ADAMTSL1: variants seen among roughly 807,000 people sequenced by gnomAD.
ADAMTSL1 encodes ADAMTS-like protein 1.
In ADAMTSL1, 126 loss-of-function variants were observed where a neutral mutation model predicts 201.8. The ratio of observed to expected loss-of-function variants is 0.62; its 90% CI spans 0.54 to 0.72. The LOEUF (loss-of-function observed/expected upper bound fraction) is 0.72, where lower values mean the gene tolerates loss of function less well. Among genes scored for constraint, ADAMTSL1 ranks in the 30% least tolerant of loss-of-function variants. ADAMTSL1 has a pLI of 0.00. For missense variants in ADAMTSL1, 2,679 were observed against 2,277.8 expected, an observed-to-expected ratio of 1.18 and a Z score of -3.59; for synonymous variants, 1,121 against 903.4, an observed-to-expected ratio of 1.24 and a Z score of -4.32.
intron 1 of ADAMTSL1, among the ~76,000 whole-genome samples, chr9:17,943,824 A>G (rs557133109): frequency 2.6e-5 from 4 of 152,218 alleles, no homozygotes; most frequent in African/African-American, 9.6e-5. Context: ...TGCAGGCTAT[A>G]CAGAAAGCAT....
intron 2 of ADAMTSL1, among the ~76,000 whole-genome samples, chr9:18,328,331 A>G (rs1443414398): frequency 6.6e-6 from 1 of 152,170 alleles, no homozygotes; most frequent in Non-Finnish European, 1.5e-5. Context: ...CATTATAATC[A>G]GTTATTTTCC....
At chr9:18,549,702 T>C (rs1328019471) in intron 3 of ADAMTSL1, among the ~76,000 whole-genome samples, 1 of 151,932 alleles carries the variant, frequency 6.6e-6, no homozygotes, top group Admixed American at 6.6e-5. Context: ...GAAATGTGGG[T>C]TTAAATGAGC....
At chr9:17,980,503 C>A (rs1427464862) in intron 1 of ADAMTSL1, among the ~76,000 whole-genome samples, 2 of 151,992 alleles carry the variant, frequency 1.3e-5, no homozygotes, top group Non-Finnish European at 2.9e-5. Context: ...TTCTACTTGA[C>A]TTCTTTTCAA....
At chr9:18,650,999 T>C (rs1828209402) in intron 7 of ADAMTSL1, 1 of 152,228 alleles carries the variant, frequency 6.6e-6, no homozygotes, top group Non-Finnish European at 1.5e-5. Context: ...TCCATCTTTT[T>C]GAAACACTTA....
intron 2 of ADAMTSL1, among the ~76,000 whole-genome samples, chr9:18,379,780 G>A (rs1837471215): frequency 6.6e-6 from 1 of 152,144 alleles, no homozygotes; most frequent in Non-Finnish European, 1.5e-5. Context: ...GAACAAAAAA[G>A]AAAAGGCACA....
chr9:18,771,021 C>T (rs1031380225), intron 17 of ADAMTSL1, among the ~76,000 whole-genome samples: 4 of 152,164 alleles, frequency 2.6e-5, no homozygotes, highest in African/African-American at 4.8e-5. Flanking sequence ...ATGGGCTCCT[C>T]GTGGAACAAA....
chr9:18,636,057 G>T, intron 6 of ADAMTSL1, 40 bp downstream of exon 6: 1 of 1,464,378 alleles, frequency 6.8e-7, no homozygotes, highest in African/African-American at 1.5e-5. Context: ...ATTGGGAATT[G>T]TAGTCATTAT....
chr9:17,909,270 T>C lies in ADAMTSL1; in HGVS notation c.87+2348T>C, dbSNP rs1461942895. Among the ~76,000 whole-genome samples the C allele has an allele frequency of 1.7e-3, 244 of 147,850 alleles. 1 individual carries two copies. The highest frequency in any genetic ancestry group is 2.3e-3 in the Non-Finnish European group (151 of 66,232). On this transcript the variant is annotated intron_variant, in intron 1 of 29. Coordinates refer to the ADAMTSL1 transcript ENST00000680146. ...CAAAAATTTTCTCCCATTCTGTAGG[T>C]TGCCTGTTCACTCTGATGGTAGTTT...
chr9:18,773,154 T>C (rs2133731956), intron 17 of ADAMTSL1, among the ~76,000 whole-genome samples: 1 of 152,296 alleles, frequency 6.6e-6, no homozygotes, highest in East Asian at 1.9e-4. Flanking sequence ...AAATGATCTA[T>C]GGGTGTTTTT....
chr9:18,777,242 G>A lies in ADAMTSL1; in HGVS notation c.3013G>A (p.Gly1005Ser), dbSNP rs2133756490. The change falls in exon 19 of 29, where the codon GGC becomes AGC. Residue 1005 changes from glycine to serine, a missense_variant. Coordinates refer to ENST00000380548, the MANE Select transcript of ADAMTSL1 (RefSeq NM_001040272.6). ...ACACCAGAACGGGATCTTCTCCAAC[G>A]GCAGCAAGGCGGAGAAGCGGGGCCT... is the stretch of plus-strand genomic sequence containing the variant. ...HKHQNGIFSN[G>S]SKAEKRGLAA... is the part of the protein sequence containing the mutation. 1 of 1,612,504 alleles carries A rather than the reference G, an allele frequency of 6.2e-7. No individual in the cohort carries two copies. Among genetic ancestry groups the A allele is most frequent in the Non-Finnish European group, 8.5e-7 (1 of 1,179,656 alleles).
intron 1 of ADAMTSL1, among the ~76,000 whole-genome samples, chr9:17,940,077 TG>T (rs1295222341): frequency 3.3e-5 from 5 of 151,982 alleles, no homozygotes; most frequent in Non-Finnish European, 4.4e-5. Flanking sequence ...ATGTAGGGTA[TG>T]GTAGGAGCAG....
chr9:18,903,552 C>A (rs78095617), intron 26 of ADAMTSL1, among the ~76,000 whole-genome samples: 687 of 152,178 alleles, frequency 4.5e-3, no homozygotes, highest in Non-Finnish European at 7.7e-3. Context: ...ATTTGTGGGG[C>A]CCAGTGCAAA....
At chr9:18,026,999 G>C (rs1433469331) in intron 1 of ADAMTSL1, among the ~76,000 whole-genome samples, 1 of 151,842 alleles carries the variant, frequency 6.6e-6, no homozygotes, top group Admixed American at 6.6e-5. Context: ...TATCCATAGA[G>C]GTGTTCATAA....
At chr9:17,948,666 A>T in intron 1 of ADAMTSL1, among the ~76,000 whole-genome samples, 1 of 152,228 alleles carries the variant, frequency 6.6e-6, no homozygotes, top group East Asian at 1.9e-4. Flanking sequence ...CCATGCTAAT[A>T]GATAAGTCCA....
chr9:18,148,625 T>A (rs1172712470), intron 1 of ADAMTSL1, among the ~76,000 whole-genome samples: 1 of 152,086 alleles, frequency 6.6e-6, no homozygotes, highest in East Asian at 1.9e-4. Context: ...CCCAGGATAT[T>A]GATAACAGTT....
chr9:18,279,010 G>A (rs556318722), intron 2 of ADAMTSL1, among the ~76,000 whole-genome samples: 1 of 151,894 alleles, frequency 6.6e-6, no homozygotes, highest in Non-Finnish European at 1.5e-5. Flanking sequence ...TAGAATTTTT[G>A]TTTGGTTCTT....
At chr9:18,688,344 T>C (rs936665476) in intron 13 of ADAMTSL1, among the ~76,000 whole-genome samples, 1 of 151,436 alleles carries the variant, frequency 6.6e-6, no homozygotes, top group Non-Finnish European at 1.5e-5. Context: ...GGCCAGGCTG[T>C]TTTGAACTCC....
intron 2 of ADAMTSL1, among the ~76,000 whole-genome samples, chr9:18,324,785 A>T (rs1354581975): frequency 6.6e-6 from 1 of 151,942 alleles, no homozygotes; most frequent in African/African-American, 2.4e-5. Flanking sequence ...AAAATACACT[A>T]CATCAAAATT....
At chr9:18,881,882 C>T (rs1050392600) in intron 23 of ADAMTSL1, among the ~76,000 whole-genome samples, 1 of 152,112 alleles carries the variant, frequency 6.6e-6, no homozygotes, top group Non-Finnish European at 1.5e-5. Context: ...GCATCTCTAC[C>T]CTATTCTCAT....
Sources: gnomAD v4.1 joint callset for allele counts (sites outside exome capture counted in the v4.1 genomes callset) on GRCh38, gnomAD v4.1.1 for gene constraint, MANE v1.5 for transcripts, NCBI Gene and HGNC (gene_info 2026-07-23, HGNC 2026-07-21) for gene names.